The following RARB variants were observed in gnomAD, a reference collection of about 807,000 sequenced individuals.
The protein encoded by RARB is HBV-activated protein.
A neutral mutation model predicts 51.9 loss-of-function variants in RARB; 17 were observed. That is an observed-to-expected ratio of 0.33 (90% confidence interval 0.22 to 0.49). The LOEUF (loss-of-function observed/expected upper bound fraction) is 0.49, where lower values mean the gene tolerates loss of function less well. RARB is among the 20% of genes least tolerant of loss of function. RARB has a pLI of 0.99. For missense variants in RARB, 369 were observed against 550.8 expected, an observed-to-expected ratio of 0.67 and a Z score of 3.30; for synonymous variants, 215 against 195.4, an observed-to-expected ratio of 1.10 and a Z score of -0.84.
chr3:25,466,569 T>C (rs570628178), intron 2 of RARB, among the ~76,000 whole-genome samples: 56 of 152,346 alleles, frequency 3.7e-4, no homozygotes, highest in Non-Finnish European at 3.4e-4. Flanking sequence ...ATAATCTTAG[T>C]ACTGTTCTTG....
chr3:25,112,510 C>G (rs1699619591), intron 3 of RARB, among the ~76,000 whole-genome samples: 1 of 152,126 alleles, frequency 6.6e-6, no homozygotes, highest in Non-Finnish European at 1.5e-5. Flanking sequence ...GGAGTGGTGG[C>G]TCATACCTGT....
chr3:25,257,679 C>T (rs1216750159), intron 5 of RARB, among the ~76,000 whole-genome samples: 1 of 152,114 alleles, frequency 6.6e-6, no homozygotes, highest in Non-Finnish European at 1.5e-5. Flanking sequence ...GCCTCCGCTC[C>T]TTCCTAGGCT....
chr3:25,553,121 C>A (rs561788394), intron 3 of RARB, among the ~76,000 whole-genome samples: 1 of 149,652 alleles, frequency 6.7e-6, no homozygotes, highest in Non-Finnish European at 1.5e-5. Context: ...AATTTTAGTT[C>A]TATAGAGATG....
chr3:24,864,594 C>T (rs1489812187), intron 2 of RARB, among the ~76,000 whole-genome samples: 1 of 152,158 alleles, frequency 6.6e-6, no homozygotes. Flanking sequence ...AACCTTGTTC[C>T]TTCTTTATTG....
intron 3 of RARB, among the ~76,000 whole-genome samples, chr3:25,119,759 T>C (rs912963203): frequency 6.6e-6 from 1 of 152,042 alleles, no homozygotes; most frequent in African/African-American, 2.4e-5. Context: ...GTATAGCAAA[T>C]GGCTACAATA....
At chr3:25,314,623 T>A (rs939117878) in intron 5 of RARB, among the ~76,000 whole-genome samples, 2 of 152,240 alleles carry the variant, frequency 1.3e-5, no homozygotes, top group African/African-American at 4.8e-5. Context: ...AAAACCTTTT[T>A]TTTCCTCCTA....
intron 2 of RARB, among the ~76,000 whole-genome samples, chr3:24,917,611 A>G (rs945324239): frequency 6.6e-6 from 1 of 152,142 alleles, no homozygotes; most frequent in Non-Finnish European, 1.5e-5. Flanking sequence ...GCTCACTGCA[A>G]CCTCTGCCTC....
At chr3:25,241,856 T>C (rs1323969932) in intron 5 of RARB, among the ~76,000 whole-genome samples, 1 of 152,212 alleles carries the variant, frequency 6.6e-6, no homozygotes, top group Non-Finnish European at 1.5e-5. Flanking sequence ...CAAATGGTAT[T>C]TCTAGTTCTA....
intron 2 of RARB, among the ~76,000 whole-genome samples, chr3:24,875,089 A>T (rs1394593860): frequency 2.0e-5 from 3 of 152,128 alleles, no homozygotes; most frequent in Non-Finnish European, 4.4e-5. Context: ...TTTTGGTTCT[A>T]TCTTTTTCTA....
At chr3:25,279,299 A>T (rs1703465544) in intron 5 of RARB, among the ~76,000 whole-genome samples, 1 of 152,206 alleles carries the variant, frequency 6.6e-6, no homozygotes, top group Non-Finnish European at 1.5e-5. Context: ...CCCCCACTGC[A>T]TCATAAATGC....
chr3:25,553,400 C>A (rs74957479), intron 3 of RARB, among the ~76,000 whole-genome samples: 294 of 152,278 alleles, frequency 1.9e-3, no homozygotes, highest in African/African-American at 6.9e-3. Flanking sequence ...CTCTTCATCT[C>A]TGTGTGATTT....
chr3:25,463,887 C>T (rs1422535399), intron 2 of RARB, among the ~76,000 whole-genome samples: 1 of 152,112 alleles, frequency 6.6e-6, no homozygotes, highest in Non-Finnish European at 1.5e-5. Context: ...TAGATTCTGA[C>T]ATGGTAGTCA....
At chr3:25,023,319 T>C (rs1697676941) in intron 2 of RARB, among the ~76,000 whole-genome samples, 1 of 152,224 alleles carries the variant, frequency 6.6e-6, no homozygotes, top group African/African-American at 2.4e-5. Flanking sequence ...GCCTATTTAA[T>C]AATTTCTGAG....
intron 4 of RARB, among the ~76,000 whole-genome samples, chr3:25,573,461 C>G (rs371498151): frequency 6.2e-4 from 95 of 152,336 alleles, no homozygotes; most frequent in African/African-American, 2.2e-3. Context: ...CGTGGCCCTT[C>G]ACTACTGGGC....
chr3:24,837,221 T>C (rs1218768913), intron 1 of RARB, among the ~76,000 whole-genome samples: 3 of 152,204 alleles, frequency 2.0e-5, no homozygotes, highest in Non-Finnish European at 2.9e-5. Flanking sequence ...TATTAAACCA[T>C]GAATAATGTG....
intron 1 of RARB, 100 bp from the exon 2 acceptor site, chr3:25,461,093 G>A: frequency 7.4e-7 from 1 of 1,359,018 alleles, no homozygotes. Context: ...TAGTGTTATT[G>A]CTGAATTTGG....
chr3:24,963,726 G>T (rs1028703883), intron 2 of RARB, among the ~76,000 whole-genome samples: 1 of 151,850 alleles, frequency 6.6e-6, no homozygotes, highest in South Asian at 2.1e-4. Context: ...GGAGTATATA[G>T]TTCATGCTTT....
intron 5 of RARB, among the ~76,000 whole-genome samples, chr3:25,314,573 G>A (rs1175194120): frequency 6.6e-6 from 1 of 152,210 alleles, no homozygotes; most frequent in Non-Finnish European, 1.5e-5. Context: ...ATGGATGTGT[G>A]TGGATTACTA....
chr3:24,848,855 G>A (rs1390020605), intron 1 of RARB, among the ~76,000 whole-genome samples: 1 of 152,060 alleles, frequency 6.6e-6, no homozygotes, highest in Admixed American at 6.5e-5. Context: ...TTTATATCTG[G>A]GTATGACTGT....
Sources: gnomAD v4.1 joint callset for allele counts (sites outside exome capture counted in the v4.1 genomes callset) on GRCh38, gnomAD v4.1.1 for gene constraint, MANE v1.5 for transcripts, NCBI Gene and HGNC (gene_info 2026-07-23, HGNC 2026-07-21) for gene names.